The following TRABD variants were observed in gnomAD, a reference collection of about 807,000 sequenced individuals.
TRABD encodes the protein TraB domain containing.
Under a neutral mutation model 39.6 loss-of-function variants are expected in TRABD, and 23 were observed. The ratio of observed to expected loss-of-function variants is 0.58; its 90% CI spans 0.42 to 0.82. The LOEUF is 0.82. Ranked by LOEUF, TRABD falls within the 40% of genes least tolerant of loss-of-function variation. The pLI is 0.00. For missense variants in TRABD, 487 were observed against 544.9 expected (o/e 0.89, Z 1.06); for synonymous variants, 243 against 232.1 (o/e 1.05, Z -0.43).
rs148318116 is a variant in TRABD, at chr22:50,186,995, C to G, written c.-35+1019C>G. On this transcript the variant is annotated intron_variant, in intron 1 of 9. Coordinates refer to ENST00000380909, the MANE Select transcript of TRABD (RefSeq NM_001320485.2). The stretch of plus-strand genomic sequence containing the variant: ...TAGCCTCCAGATGGAAGCCTCCTAG[C>G]TTTCAGGTCCCTGAAGAGGCCGTGC... Among the ~76,000 whole-genome samples, 522 of 152,350 alleles carry G rather than the reference C, an allele frequency of 3.4e-3. 4 individuals are homozygous for G. The highest frequency in any genetic ancestry group is 0.012 in the African/African-American group (503 of 41,582).
rs758337950 is a variant in TRABD at position 50,193,580 on chromosome 22, A to G, written c.38A>G (p.Asn13Ser). The change falls in exon 3 of 10, where the codon AAC (asparagine) becomes AGC (serine). Residue 13 changes from asparagine to serine, a missense_variant. This residue lies in a region of TRABD where 358 missense variants were observed against 414.7 expected (regional missense o/e 0.86). Transcript: ENST00000380909. ...AACTCTCCTTTCCACCTGCAGGCCA[A>G]CGTGGAACCTGTTGTGCCGTCAGAG... is the stretch of plus-strand genomic sequence containing the variant. Reference protein sequence around the residue: ...GEEQQPPHEANVEPVVPSEAS... With the variant: ...GEEQQPPHEASVEPVVPSEAS... 2 of 1,613,726 alleles carry G rather than the reference A, an allele frequency of 1.2e-6. No homozygotes were observed. Among genetic ancestry groups the G allele is most frequent in the African/African-American group, 1.3e-5 (1 of 75,026 alleles).
At position 50,197,561 on chromosome 22, in the gene TRABD, G is replaced by T. The variant is rs755688134; in HGVS notation, c.644G>T (p.Gly215Val). Residue 215 changes from glycine (G) to valine (V), a missense_variant, in exon 7 of 10, where the codon GGC (glycine) becomes GTC (valine). This residue lies in a region of TRABD where 358 missense variants were observed against 414.7 expected (regional missense o/e 0.86). Coordinates refer to ENST00000380909, the MANE Select transcript of TRABD (RefSeq NM_001320485.2). ...SFWQKVRLAW[G>V]LCFLSDPISK... is the part of the protein sequence containing the mutation. ...TGGCAGAAGGTCAGGCTGGCTTGGGGCCTGTGCTTCCTGTCAGACCCCATC... is the reference window on the plus strand; with the variant it reads ...TGGCAGAAGGTCAGGCTGGCTTGGGTCCTGTGCTTCCTGTCAGACCCCATC... 1 of 1,613,362 alleles carries T rather than the reference G, an allele frequency of 6.2e-7. No individual in the cohort carries two copies. The highest frequency in any genetic ancestry group is 1.1e-5 in the South Asian group (1 of 91,088).
intron 1 of TRABD, 112 bp from the exon 2 acceptor site, chr22:50,192,915 G>A: frequency 1.0e-6 from 1 of 990,610 alleles, no homozygotes; most frequent in Non-Finnish European, 1.5e-6. Flanking sequence ...GGGGGAAGGA[G>A]CCCCCAGGCC....
In TRABD at chr22:50,194,993, G is replaced by A; in HGVS notation, c.373G>A (p.Glu125Lys). ...GATGGACGAGAGCACGCTGCTGCGG[G>A]AGGCCCAGGAGCTCAGCCTGGAGAA... The part of the protein sequence containing the change: ...LKMDESTLLR[E>K]AQELSLEKLQ... The change falls in exon 5 of 10, where the codon GAG (glutamate) becomes AAG (lysine). Residue 125 changes from glutamate to lysine, a missense_variant. This residue lies in a region of TRABD where 358 missense variants were observed against 414.7 expected (regional missense o/e 0.86). Coordinates refer to ENST00000380909, the MANE Select transcript of TRABD (RefSeq NM_001320485.2). 6.2e-7 allele frequency: 1 copy of A among 1,609,476 alleles called. No individual in the cohort carries two copies. Among genetic ancestry groups the A allele is most frequent in the Non-Finnish European group, 8.5e-7 (1 of 1,179,412 alleles).
chr22:50,188,281 CAAAT>C (rs1293449550), intron 1 of TRABD, among the ~76,000 whole-genome samples: 6 of 151,580 alleles, frequency 4.0e-5, no homozygotes, highest in African/African-American at 1.5e-4. Context: ...CACTCCGTCT[CAAAT>C]AAAAAAAAAA....
intron 1 of TRABD, among the ~76,000 whole-genome samples, chr22:50,187,222 A>G (rs1260901882): frequency 6.6e-6 from 1 of 152,238 alleles, no homozygotes; most frequent in East Asian, 1.9e-4. Context: ...CTCTGCATTG[A>G]CTGTGACCAG....
At chr22:50,194,576 C>T in intron 4 of TRABD, 70 bp downstream of exon 4, 1 of 1,542,758 alleles carries the variant, frequency 6.5e-7, no homozygotes. Flanking sequence ...ACTCAGGGAC[C>T]TCCCGGCAGG....
intron 1 of TRABD, among the ~76,000 whole-genome samples, chr22:50,186,650 G>C (rs13054650): frequency 0.37 from 55,749 of 152,056 alleles, 10,385 homozygotes; most frequent in South Asian, 0.47. Context: ...GGGGGAGGCC[G>C]AGCGGGAGGC....
Position 50,198,887 on chromosome 22 carries a change from G to GCC in TRABD, c.*369_*370dup. 1 of 568,130 alleles carries GCC rather than the reference G, an allele frequency of 1.8e-6. No individual in the cohort carries two copies. The highest frequency in any genetic ancestry group is 3.2e-6 in the Non-Finnish European group (1 of 314,416). The allele number at this position is 568,130 out of a possible 1,614,324, so 35.2% of individuals were successfully genotyped here. A position where few individuals can be genotyped will look rare whatever the true frequency, so the allele number is the denominator to read the frequency against. ...ATGGCCACTGTCCCTACCTCACTGT[G>GCC]CCTTCCTGTGCTCCGGCCACAGGAG... On this transcript the variant is annotated 3_prime_UTR_variant, in exon 10 of 10. Transcript: ENST00000380909. The surrounding 1 kb of genome is among the most constrained non-coding windows in gnomAD (Gnocchi z 7.9).
At chr22:50,195,153 G>T (rs1602454576) in intron 5 of TRABD, 113 bp downstream of exon 5, 2 of 1,368,230 alleles carry the variant, frequency 1.5e-6, no homozygotes, top group Non-Finnish European at 1.9e-6. Context: ...GCTGTGCCTG[G>T]CCTGCCCTGG....
At chr22:50,194,874 C>G in intron 4 of TRABD, 26 bp from the exon 5 acceptor site, 1 of 1,607,284 alleles carries the variant, frequency 6.2e-7, no homozygotes, top group East Asian at 2.2e-5. Context: ...GCTGTGTTCT[C>G]GAGGTGTGAC....
chr22:50,198,489 G>A lies in TRABD; in HGVS notation c.1101G>A (p.Leu367=). Residue 367 remains leucine, a synonymous_variant, in exon 10 of 10, where the codon CTG becomes CTA. Coordinates refer to ENST00000380909, the MANE Select transcript of TRABD (RefSeq NM_001320485.2). The surrounding 1 kb of genome is among the most constrained non-coding windows in gnomAD (Gnocchi z 7.9). The part of the protein sequence containing the change: ...VLSLPAAQYC[L]QRVTEARHK ...CGCTGCCCGCCGCGCAGTACTGCCT[G>A]CAGAGGGTGACCGAGGCCCGGCACA... 2.5e-6 allele frequency: 4 copies of A among 1,582,554 alleles called. No individual in the cohort carries two copies. The highest frequency in any genetic ancestry group is 1.3e-5 in the African/African-American group (1 of 74,320).
At chr22:50,186,733 T>C (rs2063770245) in intron 1 of TRABD, among the ~76,000 whole-genome samples, 1 of 152,208 alleles carries the variant, frequency 6.6e-6, no homozygotes, top group Admixed American at 6.5e-5. Flanking sequence ...CCTTTGCCCT[T>C]CAATTGGAGC....
chr22:50,195,826 C>T (rs1030255374), intron 5 of TRABD, among the ~76,000 whole-genome samples: 1 of 152,054 alleles, frequency 6.6e-6, no homozygotes, highest in African/African-American at 2.4e-5. Context: ...GTTTGCCTTC[C>T]CCCTGTTCAA....
rs771670333 is a variant in TRABD, at chr22:50,195,051, G to A, written c.420+11G>A. On this transcript the variant is annotated intron_variant, in intron 5 of 9. Transcript: ENST00000380909. ...CAGGCCGTGAGGCAGGTGCGCAGCC[G>A]CGGGCAAGGGTCAGGGTCAGGGTCG... The A allele has an allele frequency of 2.4e-5, 37 of 1,571,650 alleles. No homozygotes were observed. Among genetic ancestry groups the A allele is most frequent in the East Asian group, 7.0e-5 (3 of 42,904 alleles).
intron 6 of TRABD, 38 bp from the exon 7 acceptor site, chr22:50,197,411 G>T (rs2064153613): frequency 6.2e-7 from 1 of 1,612,388 alleles, no homozygotes; most frequent in African/African-American, 1.3e-5. Flanking sequence ...GGTGGTCCGG[G>T]GTTCCCACTG....
Position 50,191,432 on chromosome 22 carries a change from C to T in TRABD, c.-34-1595C>T, listed in dbSNP as rs149763612. Among the ~76,000 whole-genome samples, 528 of 152,300 alleles carry T rather than the reference C, an allele frequency of 3.5e-3. 4 individuals carry two copies. Among genetic ancestry groups the T allele is most frequent in the African/African-American group, 0.012 (504 of 41,564 alleles). Reference sequence around the variant, plus strand: ...TGGGTCTGTGAGTCCTGGCTGGGGCCGAGGTCTGTGCCTGCTGTGGCTGTG... The same window carrying T: ...TGGGTCTGTGAGTCCTGGCTGGGGCTGAGGTCTGTGCCTGCTGTGGCTGTG... On this transcript the variant is annotated intron_variant, in intron 1 of 9. Coordinates refer to ENST00000380909, the MANE Select transcript of TRABD (RefSeq NM_001320485.2).
At chr22:50,187,883 G>A (rs1352124490) in intron 1 of TRABD, among the ~76,000 whole-genome samples, 3 of 152,166 alleles carry the variant, frequency 2.0e-5, no homozygotes, top group Non-Finnish European at 4.4e-5. Flanking sequence ...GGGAGGCTGA[G>A]GCAGGAGAAT....
intron 1 of TRABD, among the ~76,000 whole-genome samples, chr22:50,189,731 G>T (rs1003526026): frequency 3.3e-5 from 5 of 150,730 alleles, no homozygotes; most frequent in Non-Finnish European, 5.9e-5. Context: ...GGACCCAGAG[G>T]GGGTGGCTGC....
Sources: gnomAD v4.1 joint callset for allele counts (sites outside exome capture counted in the v4.1 genomes callset) on GRCh38, gnomAD v4.1.1 for gene constraint, gnomAD v4.1.1 regional missense constraint, Gnocchi (gnomAD v3.1) non-coding constraint, MANE v1.5 for transcripts, NCBI Gene and HGNC (gene_info 2026-07-23, HGNC 2026-07-21) for gene names.